The following CD84 variants were observed in gnomAD, a reference collection of about 807,000 sequenced individuals.
CD84 encodes SLAM family member 5.
In CD84, 22 loss-of-function variants were observed where a neutral mutation model predicts 33.8. The observed-to-expected ratio is 0.65, with a 90% CI of 0.46 to 0.93. CD84 has a LOEUF of 0.93. Among genes scored for constraint, CD84 ranks in the 40% least tolerant of loss-of-function variants. The probability of loss-of-function intolerance (pLI) is 0.00; values close to 1 mark genes in which losing one functional copy is unlikely to be tolerated. For missense variants in CD84, 400 were observed against 397.6 expected (o/e 1.01, Z -0.05); for synonymous variants, 154 against 145.2 (o/e 1.06, Z -0.44).
chr1:160,548,601 GA>G (rs1655981550), intron 6 of CD84, among the ~76,000 whole-genome samples: 1 of 152,124 alleles, frequency 6.6e-6, no homozygotes, highest in African/African-American at 2.4e-5. Context: ...AATGGATTTT[GA>G]TTATAGACTT....
intron 4 of CD84, chr1:160,552,824 TTGGGTGGACA>T (rs1656325183): frequency 3.0e-6 from 3 of 992,926 alleles, no homozygotes; most frequent in African/African-American, 3.2e-5. Flanking sequence ...AAGGAAGTTC[TTGGGTGGACA>T]TGGGATGTGG....
chr1:160,566,661 C>T (rs1201068776), intron 1 of CD84, among the ~76,000 whole-genome samples: 2 of 152,092 alleles, frequency 1.3e-5, no homozygotes, highest in East Asian at 3.9e-4. Context: ...GAGGAAGATA[C>T]CAATGTTGAT....
In CD84 at chr1:160,541,492, G is replaced by A. The variant is rs1018125212; in HGVS notation, c.*6764C>T. 1 of 152,196 alleles carries A rather than the reference G, an allele frequency of 6.6e-6. No homozygotes were observed. Among genetic ancestry groups the A allele is most frequent in the Non-Finnish European group, 1.5e-5 (1 of 68,030 alleles). The allele number at this position is 152,196 out of a possible 1,614,324, so 9.4% of individuals were successfully genotyped here. On this transcript the variant is annotated 3_prime_UTR_variant, in exon 7 of 7. Transcript: ENST00000368054. ...TAATTATCAGAGAATGTGATAAAAA[G>A]CTACTACTCTGTACTTGTGTGCCAA...
intron 4 of CD84, among the ~76,000 whole-genome samples, chr1:160,552,002 AC>A (rs1481561530): frequency 6.6e-6 from 1 of 152,218 alleles, no homozygotes; most frequent in Non-Finnish European, 1.5e-5. Flanking sequence ...TTTGGTACTA[AC>A]ACAGAACATT....
At chr1:160,553,167 A>T in intron 4 of CD84, 1 of 758,908 alleles carries the variant, frequency 1.3e-6, no homozygotes, top group Non-Finnish European at 2.2e-6. Flanking sequence ...CCCACCAGCT[A>T]CTGGTGATCT....
chr1:160,567,211 G>A (rs1371809857), intron 1 of CD84, among the ~76,000 whole-genome samples: 1 of 152,154 alleles, frequency 6.6e-6, no homozygotes, highest in Non-Finnish European at 1.5e-5. Context: ...CCAAGGCTTG[G>A]TATACGGAAG....
Position 160,548,312 on chromosome 1 carries a change from C to A in CD84, c.931G>T (p.Ala311Ser). The change falls in exon 7 of 7, where the codon GCC becomes TCC. Residue 311 changes from alanine (A) to serine (S), a missense_variant. Coordinates refer to ENST00000368054, the MANE Select transcript of CD84 (RefSeq NM_003874.4). Reference sequence around the variant, plus strand: ...GGAGGTTTACTGTCCTGTGTGCTGGCTTTCCCCATCTGTGCAGGAGAGAAG... The same window carrying A: ...GGAGGTTTACTGTCCTGTGTGCTGGATTTCCCCATCTGTGCAGGAGAGAAG... ...EVQFADKMGK[A>S]STQDSKPPGT... The A allele has an allele frequency of 6.2e-7, 1 of 1,614,210 alleles. No homozygotes were observed. Among genetic ancestry groups the A allele is most frequent in the Non-Finnish European group, 8.5e-7 (1 of 1,180,034 alleles).
intron 1 of CD84, among the ~76,000 whole-genome samples, chr1:160,573,266 A>C (rs2134704): frequency 0.79 from 120,660 of 152,104 alleles, 49,178 homozygotes; most frequent in Non-Finnish European, 0.91. Flanking sequence ...GGGCAAGCAA[A>C]ACTTACTGAT....
At chr1:160,557,970 G>A (rs1280330394) in intron 2 of CD84, among the ~76,000 whole-genome samples, 1 of 152,228 alleles carries the variant, frequency 6.6e-6, no homozygotes, top group East Asian at 1.9e-4. Flanking sequence ...TACAGACAGA[G>A]TTTTGAATTC....
chr1:160,567,156 A>G (rs1657380755), intron 1 of CD84, among the ~76,000 whole-genome samples: 1 of 152,242 alleles, frequency 6.6e-6, no homozygotes, highest in South Asian at 2.1e-4. Context: ...ATGACCAGAC[A>G]TCAGTTTTCC....
chr1:160,563,702 G>T (rs1279448373), intron 2 of CD84, among the ~76,000 whole-genome samples: 1 of 152,076 alleles, frequency 6.6e-6, no homozygotes, highest in Non-Finnish European at 1.5e-5. Context: ...ATTTACCTAT[G>T]TAACAAACTT....
Position 160,548,732 on chromosome 1 carries a change from C to T in CD84, c.922-411G>A, listed in dbSNP as rs925017344. Among the ~76,000 whole-genome samples the T allele has an allele frequency of 5.3e-5, 8 of 152,156 alleles. No individual in the cohort carries two copies. In the East Asian group the frequency reaches 1.5e-3, roughly 29 times the overall value. ...AGTGGGGACTCACTGCCAGCATCTC[C>T]TGTGCTCTAGGCATTTAGAGGGCTG... On this transcript the variant is annotated intron_variant, in intron 6 of 6. Transcript: ENST00000368054.
intron 1 of CD84, among the ~76,000 whole-genome samples, chr1:160,567,965 A>G (rs1193000072): frequency 9.2e-5 from 14 of 151,994 alleles, no homozygotes; most frequent in Non-Finnish European, 2.1e-4. Flanking sequence ...AATTCTACAT[A>G]CTATTTAAAC....
intron 2 of CD84, among the ~76,000 whole-genome samples, chr1:160,564,393 A>G (rs1399526033): frequency 6.6e-6 from 1 of 152,224 alleles, no homozygotes; most frequent in Non-Finnish European, 1.5e-5. Flanking sequence ...TGCCCTTATC[A>G]TAAAATTACA....
At chr1:160,552,525 T>C (rs967334800) in intron 4 of CD84, among the ~76,000 whole-genome samples, 2 of 152,216 alleles carry the variant, frequency 1.3e-5, no homozygotes, top group African/African-American at 4.8e-5. Flanking sequence ...ACTGTGAATA[T>C]TTTACAACTG....
intron 3 of CD84, 167 bp from the exon 4 acceptor site, chr1:160,553,664 T>C: frequency 2.0e-6 from 2 of 985,720 alleles, no homozygotes; most frequent in South Asian, 1.7e-5. Flanking sequence ...GGATGAGAAA[T>C]TGAATCAGAG....
chr1:160,549,693 G>A (rs1656069512), intron 6 of CD84, among the ~76,000 whole-genome samples: 1 of 152,154 alleles, frequency 6.6e-6, no homozygotes, highest in African/African-American at 2.4e-5. Flanking sequence ...TTTGAAGGGT[G>A]GGATCAGCAT....
At position 160,546,842 on chromosome 1, in the gene CD84, ATCT is replaced by A; in HGVS notation, c.*1411_*1413del. ...CTACACAAGAGCAGACATTATGCAC[ATCT>A]TCTACTTTGGGGCCTTGCAGCTCCT... On this transcript the variant is annotated 3_prime_UTR_variant, in exon 7 of 7. Transcript: ENST00000368054. The A allele has an allele frequency of 6.2e-6, 2 of 320,598 alleles. No individual in the cohort carries two copies. The highest frequency in any genetic ancestry group is 1.1e-5 in the Non-Finnish European group (2 of 176,572). 19.9% of individuals were successfully genotyped at this position (320,598 alleles called of 1,614,324 possible).
intron 3 of CD84, 188 bp from the exon 4 acceptor site, chr1:160,553,685 G>A (rs890699423): frequency 3.2e-6 from 3 of 949,186 alleles, no homozygotes; most frequent in Admixed American, 2.8e-5. Context: ...AGTTGATCAG[G>A]GGCTGCCACA....
Sources: allele counts gnomAD v4.1 joint callset (sites outside exome capture counted in the v4.1 genomes callset), GRCh38; gene constraint gnomAD v4.1.1; transcripts MANE v1.5; gene names NCBI Gene and HGNC (gene_info 2026-07-23, HGNC 2026-07-21).